Variants in SYBU observed in about 807,000 individuals in gnomAD.
The protein encoded by SYBU is GOLSYN A protein.
In SYBU, 21 loss-of-function variants were observed where a neutral mutation model predicts 35.9. The observed-to-expected ratio is 0.58, with a 90% CI of 0.41 to 0.84. SYBU has a LOEUF of 0.84. SYBU is among the 40% of genes least tolerant of loss of function. The probability of loss-of-function intolerance (pLI) is 0.00; values close to 1 mark genes in which losing one functional copy is unlikely to be tolerated. For missense variants in SYBU, 768 were observed against 848.2 expected, an observed-to-expected ratio of 0.91 and a Z score of 1.17; for synonymous variants, 319 against 324.3, an observed-to-expected ratio of 0.98 and a Z score of 0.18.
At position 109,677,425 on chromosome 8, in the gene SYBU, A is replaced by G. The variant is rs559345718; in HGVS notation, c.-129+3286T>C. ...TTTTTAATGACTTTGAATTTCTTCA[A>G]TTATTTGAAGTAAATTGCAAAAAAA... On this transcript the variant is annotated intron_variant, in intron 1 of 5. Transcript: ENST00000408889. 4.6e-5 allele frequency among the ~76,000 whole-genome samples: 7 copies of G among 152,336 alleles called. No homozygotes were observed. In the South Asian group the frequency reaches 6.2e-4, roughly 14 times the overall value.
chr8:109,671,042 A>G (rs1816961588), intron 1 of SYBU, among the ~76,000 whole-genome samples: 1 of 152,200 alleles, frequency 6.6e-6, no homozygotes, highest in African/African-American at 2.4e-5. Context: ...TGTATCTTCT[A>G]GATGAAGTTA....
intron 2 of SYBU, among the ~76,000 whole-genome samples, chr8:109,621,637 A>C (rs1404582825): frequency 6.6e-6 from 1 of 152,222 alleles, no homozygotes; most frequent in Admixed American, 6.5e-5. Context: ...CATTGTACCC[A>C]GGCCCCACCC....
intron 3 of SYBU, among the ~76,000 whole-genome samples, chr8:109,588,828 G>T (rs1358673758): frequency 6.6e-6 from 1 of 151,914 alleles, no homozygotes; most frequent in African/African-American, 2.4e-5. Context: ...GTGCTCTTTG[G>T]GGTTATTAAA....
In SYBU at chr8:109,575,025, C is replaced by T; in HGVS notation, c.1873G>A (p.Ala625Thr). ...GTTCCCCCTCTCTGAGTACTGAATG[C>T]CCACAGAACCGTGGGGACCACGGGG... ...AAPVVPTVLWAFSTQRGGTDP... is the reference protein window; with the variant it reads ...AAPVVPTVLWTFSTQRGGTDP... The change falls in exon 7 of 7, where the codon GCA becomes ACA. Residue 625 changes from alanine to threonine, a missense_variant. Ala to Thr is a moderately conservative substitution (Grantham distance 58). Coordinates refer to ENST00000276646, the MANE Select transcript of SYBU (RefSeq NM_001099754.2). 2 of 1,600,672 alleles carry T rather than the reference C, an allele frequency of 1.2e-6. No individual in the cohort carries two copies. The highest frequency in any genetic ancestry group is 1.7e-4 in the Middle Eastern group (1 of 5,982).
chr8:109,691,486 C>A lies in SYBU; in HGVS notation c.-211G>T, dbSNP rs1369477595. ...CAGGCCCGGGGAGCCGGGCCCGGCC[C>A]GCTCCGCCCGCCTTAGCCCGGCTTG... is the stretch of plus-strand genomic sequence containing the variant. On this transcript the variant is annotated 5_prime_UTR_variant, in exon 1 of 8. Transcript: ENST00000422135. This position sits in a 1 kb window ranked among gnomAD's most constrained non-coding sequence, Gnocchi z 4.7. 1.1e-5 allele frequency: 6 copies of A among 529,468 alleles called. No homozygotes were observed. The highest frequency in any genetic ancestry group is 8.4e-5 in the Admixed American group (2 of 23,678). 32.8% of individuals were successfully genotyped at this position (529,468 alleles called of 1,614,324 possible). A position where few individuals can be genotyped will look rare whatever the true frequency, so the allele number is the denominator to read the frequency against.
At chr8:109,606,074 G>A (rs551411668) in intron 3 of SYBU, among the ~76,000 whole-genome samples, 1 of 152,010 alleles carries the variant, frequency 6.6e-6, no homozygotes, top group East Asian at 1.9e-4. Context: ...ATTTGAAAAG[G>A]AAACAAAAAC....
At chr8:109,643,085 A>G in intron 1 of SYBU, 153 bp from the exon 2 acceptor site, 1 of 1,374,320 alleles carries the variant, frequency 7.3e-7, no homozygotes. Flanking sequence ...TGCTGAAATG[A>G]GCTTCAAAAC....
chr8:109,576,179 A>G (rs1822294514), intron 6 of SYBU, among the ~76,000 whole-genome samples, 166 bp from the exon 7 acceptor site: 1 of 152,228 alleles, frequency 6.6e-6, no homozygotes, highest in Non-Finnish European at 1.5e-5. Flanking sequence ...CAGGGAACTC[A>G]AGAGAACACA....
At chr8:109,684,394 G>A (rs1351255625), upstream of SYBU, among the ~76,000 whole-genome samples, 1 of 152,204 alleles carries the variant, frequency 6.6e-6, no homozygotes, top group African/African-American at 2.4e-5. Context: ...AGTGGTAAGA[G>A]CTGAATAATA....
chr8:109,645,633 GT>G (rs77642059), upstream of SYBU: 6,430 of 227,330 alleles, frequency 0.028, 1 homozygote, highest in South Asian at 0.057. Flanking sequence ...TTCGTTTTTT[GT>G]TTTTTTTTTT....
At chr8:109,666,248 G>A (rs572904201) in intron 1 of SYBU, among the ~76,000 whole-genome samples, 2 of 152,134 alleles carry the variant, frequency 1.3e-5, no homozygotes, top group Non-Finnish European at 2.9e-5. Context: ...CTTTATTCCT[G>A]AGTTTCTGAA....
intron 3 of SYBU, among the ~76,000 whole-genome samples, chr8:109,609,877 C>T (rs1309903856): frequency 6.6e-6 from 1 of 152,198 alleles, no homozygotes; most frequent in Non-Finnish European, 1.5e-5. Flanking sequence ...CCATCCTAGG[C>T]TAAGCCATCC....
At chr8:109,673,584 G>T (rs1245851908) in intron 1 of SYBU, among the ~76,000 whole-genome samples, 1 of 152,110 alleles carries the variant, frequency 6.6e-6, no homozygotes. Context: ...AGGAAAAAGT[G>T]CAAAAAGGCT....
At chr8:109,651,549 A>G (rs1312519097) in intron 1 of SYBU, among the ~76,000 whole-genome samples, 1 of 148,560 alleles carries the variant, frequency 6.7e-6, no homozygotes, top group Non-Finnish European at 1.5e-5. Context: ...CACATTAGCT[A>G]AAAAGGAAAG....
chr8:109,663,682 TTC>T (rs1192039132), intron 1 of SYBU, among the ~76,000 whole-genome samples: 1 of 152,250 alleles, frequency 6.6e-6, no homozygotes, highest in South Asian at 2.1e-4. Context: ...TTTTAAAATG[TTC>T]TCTTTTTTTT....
rs183736562 is a variant in SYBU at position 109,640,756 on chromosome 8, G to T, written c.229+1972C>A. Among the ~76,000 whole-genome samples the T allele has an allele frequency of 3.0e-5, 4 of 132,074 alleles. No individual in the cohort carries two copies. The South Asian group carries it at 1.0e-3, about 33-fold the overall frequency. The allele number at this position is 132,074 out of a possible 152,430, so 86.6% of individuals were successfully genotyped here. A position where few individuals can be genotyped will look rare whatever the true frequency, so the allele number is the denominator to read the frequency against. On this transcript the variant is annotated intron_variant, in intron 2 of 6. Transcript: ENST00000276646. ...TTTTAAAACATAATATTTTGATAGG[G>T]TTTTTTTTTTCAGAATCAAGCAGAC... is the stretch of plus-strand genomic sequence containing the variant.
At chr8:109,622,367 G>A (rs1423737322) in intron 2 of SYBU, among the ~76,000 whole-genome samples, 1 of 152,046 alleles carries the variant, frequency 6.6e-6, no homozygotes, top group African/African-American at 2.4e-5. Flanking sequence ...GAGTAGCTGG[G>A]ATTACAAGCA....
upstream of SYBU, chr8:109,645,351 G>C (rs1367015368): frequency 2.2e-6 from 1 of 456,512 alleles, no homozygotes; most frequent in Non-Finnish European, 4.4e-6. Context: ...GATCTGAAAG[G>C]CTGCGATGGA....
chr8:109,686,823 C>A (rs1209287097), intron 1 of SYBU, among the ~76,000 whole-genome samples: 1 of 152,064 alleles, frequency 6.6e-6, no homozygotes, highest in Non-Finnish European at 1.5e-5. Context: ...ATATTTCATT[C>A]CTTATTTTCA....
Sources: allele counts gnomAD v4.1 joint callset (sites outside exome capture counted in the v4.1 genomes callset), GRCh38; gene constraint gnomAD v4.1.1; non-coding constraint Gnocchi (gnomAD v3.1); transcripts MANE v1.5; gene names NCBI Gene and HGNC (gene_info 2026-07-23, HGNC 2026-07-21).